Variants in RUSC1 observed in about 807,000 individuals in gnomAD.
The protein encoded by RUSC1 is AP-4 complex accessory subunit RUSC1.
In RUSC1, 40 loss-of-function variants were observed where a neutral mutation model predicts 72.1. The observed-to-expected ratio is 0.55, with a 90% CI of 0.43 to 0.72. The LOEUF is 0.72. RUSC1 is among the 30% of genes least tolerant of loss of function. RUSC1 has a pLI of 0.00. For synonymous variants in RUSC1, 512 were observed against 494.2 expected (o/e 1.04, Z -0.48); for missense variants, 1,092 against 1,172.3 (o/e 0.93, Z 1.00).
chr1:155,326,435 T>C lies in RUSC1; in HGVS notation c.1862-145T>C, dbSNP rs1467511053. ...CATGCAGGCGGGGATGTCAGTCCTA[T>C]AGCCCACCACATCCTTCCTCCTCTC... is the stretch of plus-strand genomic sequence containing the variant. On this transcript the variant is annotated intron_variant, in intron 7 of 9. Coordinates refer to ENST00000368352, the MANE Select transcript of RUSC1 (RefSeq NM_001105203.2). This position sits in a 1 kb window ranked among gnomAD's most constrained non-coding sequence, Gnocchi z 4.7. 10 of 803,190 alleles carry C rather than the reference T, an allele frequency of 1.2e-5. No individual in the cohort carries two copies. The highest frequency in any genetic ancestry group is 1.7e-5 in the Non-Finnish European group (9 of 519,366). 49.8% of individuals were successfully genotyped at this position (803,190 alleles called of 1,614,324 possible). A position where few individuals can be genotyped will look rare whatever the true frequency, so the allele number is the denominator to read the frequency against.
chr1:155,328,786 AC>A (rs764389686), intron 9 of RUSC1, among the ~76,000 whole-genome samples: 24 of 151,970 alleles, frequency 1.6e-4, no homozygotes, highest in East Asian at 1.6e-3. Flanking sequence ...TTTAGTAGAG[AC>A]CGGGGTTTCA....
chr1:155,329,771 A>G (rs564096435), intron 9 of RUSC1, among the ~76,000 whole-genome samples: 137 of 142,984 alleles, frequency 9.6e-4, no homozygotes, highest in Non-Finnish European at 1.8e-3. Context: ...CCTGGTCAAC[A>G]TGGTGAAACC....
Position 155,322,789 on chromosome 1 carries a change from G to T in RUSC1, c.1016G>T (p.Arg339Leu), listed in dbSNP as rs1345474598. ...LPLVPQAKKD[R>L]SDWLIVFSPD... ...CTTGTCCCGCAGGCGAAGAAAGATCGCAGTGACTGGCTCATAGTCTTCTCG... is the reference window on the plus strand; with the variant it reads ...CTTGTCCCGCAGGCGAAGAAAGATCTCAGTGACTGGCTCATAGTCTTCTCG... The change falls in exon 2 of 10, where the codon CGC becomes CTC. Residue 339 changes from arginine to leucine, a missense_variant. Arg to Leu is a moderately radical substitution (Grantham distance 102). Coordinates refer to ENST00000368352, the MANE Select transcript of RUSC1 (RefSeq NM_001105203.2). 1.2e-6 allele frequency: 2 copies of T among 1,613,674 alleles called. No homozygotes were observed. Among genetic ancestry groups the T allele is most frequent in the Non-Finnish European group, 8.5e-7 (1 of 1,179,778 alleles).
At position 155,327,114 on chromosome 1, in the gene RUSC1, A is replaced by G. The variant is rs1651501373; in HGVS notation, c.2396A>G (p.Asn799Ser). 2 of 1,605,842 alleles carry G rather than the reference A, an allele frequency of 1.2e-6. No individual in the cohort carries two copies. The highest frequency in any genetic ancestry group is 3.4e-5 in the Admixed American group (2 of 59,516). Residue 799 changes from asparagine (N) to serine (S), a missense_variant, in exon 8 of 10, where the codon AAT becomes AGT. Physicochemically the swap from Asn to Ser is conservative, Grantham distance 46 (BLOSUM62 1). Transcript: ENST00000368352. ...GVPGGPAENENGALKSRRPSS... is the reference protein window; with the variant it reads ...GVPGGPAENESGALKSRRPSS... ...CCTGGGGGCCCCGCAGAAAATGAGAATGGAGCCCTAAAGTCCAGGTAATGG... is the reference window on the plus strand; with the variant it reads ...CCTGGGGGCCCCGCAGAAAATGAGAGTGGAGCCCTAAAGTCCAGGTAATGG...
intron 2 of RUSC1, chr1:155,324,028 CG>C: frequency 9.4e-7 from 1 of 1,058,354 alleles, no homozygotes; most frequent in Non-Finnish European, 1.1e-6. Flanking sequence ...CTCCGTGGGC[CG>C]GCCCCCTCTC....
In RUSC1 at chr1:155,330,814, C is replaced by T. The variant is rs1276016193; in HGVS notation, c.*243C>T. 7 of 426,210 alleles carry T rather than the reference C, an allele frequency of 1.6e-5. No individual in the cohort carries two copies. Among genetic ancestry groups the T allele is most frequent in the South Asian group, 3.1e-5 (1 of 32,484 alleles). 26.4% of individuals were successfully genotyped at this position (426,210 alleles called of 1,614,324 possible). ...TCCAGGTAATCCCTTTCCTTTTTCC[C>T]GTCTATATAAGGGAATGTCTTCCTT... is the stretch of plus-strand genomic sequence containing the variant. On this transcript the variant is annotated 3_prime_UTR_variant, in exon 10 of 10. Coordinates refer to ENST00000368352, the MANE Select transcript of RUSC1 (RefSeq NM_001105203.2).
Position 155,322,623 on chromosome 1 carries a change from ACTG to A in RUSC1, c.851_853del (p.Thr284_Asp285delinsAsn). ...TGGTTGGAAAACCAACACAAGAATA[ACTG>A]ATTCTGGCTCGAAAACAGATGCAGG... On this transcript the variant is annotated inframe_deletion, in exon 2 of 10. Coordinates refer to ENST00000368352, the MANE Select transcript of RUSC1 (RefSeq NM_001105203.2). The A allele has an allele frequency of 6.2e-7, 1 of 1,614,280 alleles. No homozygotes were observed. Among genetic ancestry groups the A allele is most frequent in the Non-Finnish European group, 8.5e-7 (1 of 1,180,050 alleles).
At position 155,330,893 on chromosome 1, in the gene RUSC1, C is replaced by G. The variant is rs1651947756; in HGVS notation, c.*322C>G. On this transcript the variant is annotated 3_prime_UTR_variant, in exon 10 of 10. Coordinates refer to ENST00000368352, the MANE Select transcript of RUSC1 (RefSeq NM_001105203.2). The stretch of plus-strand genomic sequence containing the variant: ...ACCTCCTTCTTCATCCATAAGTGGA[C>G]TGTGCCAGTACAATACATGCCTCAG... 4.0e-6 allele frequency: 1 copy of G among 251,348 alleles called. No homozygotes were observed. Among genetic ancestry groups the G allele is most frequent in the Admixed American group, 5.1e-5 (1 of 19,684 alleles). 15.6% of individuals were successfully genotyped at this position (251,348 alleles called of 1,614,324 possible). A position where few individuals can be genotyped will look rare whatever the true frequency, so the allele number is the denominator to read the frequency against.
At position 155,320,894 on chromosome 1, in the gene RUSC1, G is replaced by T; in HGVS notation, c.-184G>T. 1 of 1,600,428 alleles carries T rather than the reference G, an allele frequency of 6.2e-7. No individual in the cohort carries two copies. The highest frequency in any genetic ancestry group is 1.1e-5 in the South Asian group (1 of 89,782). ...GCAGCTGCGCAGCGCAGGGTAGGTTGTGCTAGTGCCCCTCCCCTCCCGCTC... is the reference window on the plus strand; with the variant it reads ...GCAGCTGCGCAGCGCAGGGTAGGTTTTGCTAGTGCCCCTCCCCTCCCGCTC... On this transcript the variant is annotated 5_prime_UTR_variant, in exon 1 of 10. Transcript: ENST00000368352.
chr1:155,324,116 T>G, intron 2 of RUSC1: 1 of 1,216,186 alleles, frequency 8.2e-7, no homozygotes, highest in East Asian at 5.0e-5. Context: ...CCAGCGAGTC[T>G]GTTGTTAGGG....
chr1:155,326,418 CG>C lies in RUSC1; in HGVS notation c.1862-158del. ...CTATTTGGGCTAGGTTCCATGCAGG[CG>C]GGGATGTCAGTCCTATAGCCCACCA... On this transcript the variant is annotated intron_variant, in intron 7 of 9. Transcript: ENST00000368352. The surrounding 1 kb of genome is among the most constrained non-coding windows in gnomAD (Gnocchi z 4.7). 2.9e-6 allele frequency: 2 copies of C among 684,524 alleles called. No individual in the cohort carries two copies. Among genetic ancestry groups the C allele is most frequent in the Non-Finnish European group, 2.4e-6 (1 of 415,122 alleles). The allele number at this position is 684,524 out of a possible 1,614,324, so 42.4% of individuals were successfully genotyped here. A position where few individuals can be genotyped will look rare whatever the true frequency, so the allele number is the denominator to read the frequency against.
Position 155,326,728 on chromosome 1 carries a change from C to T in RUSC1, c.2010C>T (p.His670=). 6.2e-7 allele frequency: 1 copy of T among 1,613,360 alleles called. No homozygotes were observed. The highest frequency in any genetic ancestry group is 8.5e-7 in the Non-Finnish European group (1 of 1,180,046). Residue 670 remains histidine, a synonymous_variant, in exon 8 of 10, where the codon CAC becomes CAT. Transcript: ENST00000368352. This position sits in a 1 kb window ranked among gnomAD's most constrained non-coding sequence, Gnocchi z 4.7. Reference sequence around the variant, plus strand: ...ACCTGCTCTTTGAGCACCACCACCACCTGCCCCTGGGCCCACCTCAGGCCC... The same window carrying T: ...ACCTGCTCTTTGAGCACCACCACCATCTGCCCCTGGGCCCACCTCAGGCCC... ...HLDLLFEHHH[H]LPLGPPQAPA...
intron 8 of RUSC1, 90 bp from the exon 9 acceptor site, chr1:155,328,060 G>T: frequency 6.7e-7 from 1 of 1,497,944 alleles, no homozygotes; most frequent in South Asian, 1.4e-5. Context: ...ACCACAATTA[G>T]GCCCCTTAGC....
chr1:155,323,195 A>G, intron 2 of RUSC1, 65 bp downstream of exon 2: 1 of 1,365,336 alleles, frequency 7.3e-7, no homozygotes, highest in South Asian at 1.8e-5. Flanking sequence ...TAGGCTTCCA[A>G]CCCGGCCCCC....
intron 2 of RUSC1, chr1:155,324,193 T>G (rs1650974687): frequency 7.1e-7 from 1 of 1,401,066 alleles, no homozygotes; most frequent in Non-Finnish European, 9.3e-7. Context: ...CCGACCTTGC[T>G]AGGGAGGGGT....
At chr1:155,327,559 C>T (rs892484900) in intron 8 of RUSC1, among the ~76,000 whole-genome samples, 2 of 152,208 alleles carry the variant, frequency 1.3e-5, no homozygotes, top group Non-Finnish European at 2.9e-5. Context: ...TAAGGGTCAA[C>T]TGTATTTACT....
In RUSC1 at chr1:155,325,315, G is replaced by A; in HGVS notation, c.1534-1G>A. 6.2e-7 allele frequency: 1 copy of A among 1,603,162 alleles called. No homozygotes were observed. The highest frequency in any genetic ancestry group is 8.5e-7 in the Non-Finnish European group (1 of 1,179,024). ...AGCCATCGGCATCGCGCCACCTCCA[G>A]GCCCAGTTGGGTGATAGCCGGCTGA... On this transcript the variant is annotated splice_acceptor_variant, in intron 4 of 9. Coordinates refer to ENST00000368352, the MANE Select transcript of RUSC1 (RefSeq NM_001105203.2). LOFTEE classifies it high-confidence loss of function. This position sits in a 1 kb window ranked among gnomAD's most constrained non-coding sequence, Gnocchi z 6.5.
Position 155,324,915 on chromosome 1 carries a change from G to A in RUSC1, c.1428G>A (p.Gly476=). The change falls in exon 3 of 10, where the codon GGG becomes GGA. Residue 476 remains glycine (G), a synonymous_variant. Coordinates refer to ENST00000368352, the MANE Select transcript of RUSC1 (RefSeq NM_001105203.2). ...QRLWMAEAQS[G]TGQLQEQKKG... Reference sequence around the variant, plus strand: ...TGTGGATGGCAGAAGCCCAGAGTGGGACTGGTCAGCTGCAGGAGCAGAAGA... The same window carrying A: ...TGTGGATGGCAGAAGCCCAGAGTGGAACTGGTCAGCTGCAGGAGCAGAAGA... 1.2e-6 allele frequency: 2 copies of A among 1,614,226 alleles called. No homozygotes were observed. The highest frequency in any genetic ancestry group is 2.2e-5 in the East Asian group (1 of 44,880).
chr1:155,324,379 C>A (rs767052270), intron 2 of RUSC1: 3 of 1,611,622 alleles, frequency 1.9e-6, no homozygotes, highest in African/African-American at 1.3e-5. Flanking sequence ...CGCCTCCCTC[C>A]GTCTCCTCCC....
Sources: gnomAD v4.1 joint callset for allele counts (sites outside exome capture counted in the v4.1 genomes callset) on GRCh38, gnomAD v4.1.1 for gene constraint, Gnocchi (gnomAD v3.1) non-coding constraint, MANE v1.5 for transcripts, NCBI Gene and HGNC (gene_info 2026-07-23, HGNC 2026-07-21) for gene names.